Variants in PHC2 observed in about 807,000 individuals in gnomAD.
The protein encoded by PHC2 is polyhomeotic homolog 2.
PHC2 carries 29 observed loss-of-function variants against 87.4 expected under a neutral mutation model. The ratio of observed to expected loss-of-function variants is 0.33; its 90% CI spans 0.25 to 0.45. The LOEUF (loss-of-function observed/expected upper bound fraction) is 0.45. Ranked by LOEUF, PHC2 falls within the 20% of genes least tolerant of loss-of-function variation. The pLI is 1.00. For missense variants in PHC2, 857 were observed against 1,136.7 expected (o/e 0.75, Z 3.54); for synonymous variants, 438 against 461.7 (o/e 0.95, Z 0.66).
Position 33,349,926 on chromosome 1 carries a change from CGCCT to C in PHC2, c.1558+4471_1558+4474del. 1.1e-6 allele frequency: 1 copy of C among 907,140 alleles called. No homozygotes were observed. Among genetic ancestry groups the C allele is most frequent in the Non-Finnish European group, 1.3e-6 (1 of 761,892 alleles). 56.2% of individuals were successfully genotyped at this position (907,140 alleles called of 1,614,324 possible). On this transcript the variant is annotated intron_variant, in intron 9 of 14. Transcript: ENST00000683057. The surrounding 1 kb of genome is among the most constrained non-coding windows in gnomAD (Gnocchi z 4.2). ...GCGAGTCTGGGACGGCTCCCGCGGC[CGCCT>C]CCGCCGGGGGCGGGGCGAGGGAGCG...
At chr1:33,351,073 CTT>C (rs1646962750) in intron 9 of PHC2, among the ~76,000 whole-genome samples, 1 of 152,166 alleles carries the variant, frequency 6.6e-6, no homozygotes, top group Non-Finnish European at 1.5e-5. Flanking sequence ...AGTTGGCAAA[CTT>C]TTTCTGCCAG....
intron 9 of PHC2, chr1:33,335,242 T>TA: frequency 2.0e-6 from 2 of 985,464 alleles, no homozygotes; most frequent in Non-Finnish European, 2.4e-6. Context: ...CTCATTGTCT[T>TA]AGACGTGCAA....
chr1:33,403,316 A>C lies in PHC2; in HGVS notation c.-55+27660T>G, dbSNP rs1237188265. ...TAATTTTTGTATTTTTAGTAGAGACAGGGGTTCACCATGTTGGCCAGGATG... is the reference window on the plus strand; with the variant it reads ...TAATTTTTGTATTTTTAGTAGAGACCGGGGTTCACCATGTTGGCCAGGATG... On this transcript the variant is annotated intron_variant, in intron 1 of 14. Coordinates refer to ENST00000683057, the MANE Select transcript of PHC2 (RefSeq NM_001385109.1). 2.9e-5 allele frequency among the ~76,000 whole-genome samples: 4 copies of C among 137,930 alleles called. No individual in the cohort carries two copies. The East Asian group carries it at 6.8e-4, about 23-fold the overall frequency. The allele number at this position is 137,930 out of a possible 152,430, so 90.5% of individuals were successfully genotyped here.
intron 9 of PHC2, chr1:33,335,075 G>A: frequency 2.4e-6 from 1 of 416,420 alleles, no homozygotes; most frequent in Non-Finnish European, 3.2e-6. Flanking sequence ...GTCTCTCTGT[G>A]GACAACCTTT....
rs765939608 is a variant in PHC2, at chr1:33,354,975, C to T, written c.1255G>A (p.Gly419Ser). 1.2e-5 allele frequency: 19 copies of T among 1,614,056 alleles called. No homozygotes were observed. Among genetic ancestry groups the T allele is most frequent in the Admixed American group, 3.3e-5 (2 of 60,008 alleles). The change falls in exon 8 of 15, where the codon GGC becomes AGC. Residue 419 changes from glycine to serine, a missense_variant. Coordinates refer to ENST00000683057, the MANE Select transcript of PHC2 (RefSeq NM_001385109.1). ...CPTANLHKPGGSQQCHPPTPD... is the reference protein window; with the variant it reads ...CPTANLHKPGSSQQCHPPTPD... ...GTGGGAGGGTGACACTGCTGACTGC[C>T]GCCAGGCTTGTGCAGGTTGGCAGTG...
intron 1 of PHC2, among the ~76,000 whole-genome samples, chr1:33,409,003 A>G (rs1216899134): frequency 6.6e-6 from 1 of 152,196 alleles, no homozygotes; most frequent in African/African-American, 2.4e-5. Context: ...ACTTAATCAG[A>G]GTGCAAGAAT....
At chr1:33,367,965 G>A (rs1008410129) in intron 6 of PHC2, among the ~76,000 whole-genome samples, 1 of 152,178 alleles carries the variant, frequency 6.6e-6, no homozygotes, top group African/African-American at 2.4e-5. Context: ...GACACAGGGA[G>A]GCTGTGCCAG....
At chr1:33,362,561 T>C (rs966243169) in intron 7 of PHC2, among the ~76,000 whole-genome samples, 1 of 152,200 alleles carries the variant, frequency 6.6e-6, no homozygotes, top group Non-Finnish European at 1.5e-5. Flanking sequence ...AGGTATGAAC[T>C]GACAAACTCC....
intron 1 of PHC2, among the ~76,000 whole-genome samples, chr1:33,426,777 C>T (rs935881633): frequency 6.6e-6 from 1 of 152,182 alleles, no homozygotes; most frequent in African/African-American, 2.4e-5. Context: ...AAACCAAAGG[C>T]CACAGCACAA....
chr1:33,336,946 TAA>T (rs886706276), intron 9 of PHC2: 7 of 152,386 alleles, frequency 4.6e-5, no homozygotes, highest in African/African-American at 1.7e-4. Context: ...TCAATCAAAT[TAA>T]GTTTCTGTGC....
At chr1:33,388,708 A>G (rs962274468) in intron 1 of PHC2, among the ~76,000 whole-genome samples, 1 of 152,186 alleles carries the variant, frequency 6.6e-6, no homozygotes, top group Non-Finnish European at 1.5e-5. Context: ...ACCCAGCACC[A>G]TGTGCAGCAC....
At chr1:33,338,627 A>G (rs1041100036) in intron 9 of PHC2, among the ~76,000 whole-genome samples, 2 of 152,246 alleles carry the variant, frequency 1.3e-5, no homozygotes, top group African/African-American at 4.8e-5. Flanking sequence ...TTTGGGGAAA[A>G]GCAGCTTAAC....
chr1:33,339,575 T>G (rs1646703845), intron 9 of PHC2, among the ~76,000 whole-genome samples: 1 of 152,212 alleles, frequency 6.6e-6, no homozygotes, highest in East Asian at 1.9e-4. Flanking sequence ...CAAGGCAGGA[T>G]GACCTCTAGA....
chr1:33,378,811 A>T (rs1648310618), intron 1 of PHC2, among the ~76,000 whole-genome samples: 1 of 152,098 alleles, frequency 6.6e-6, no homozygotes, highest in African/African-American at 2.4e-5. Flanking sequence ...TCCTACATGG[A>T]AAAATAATAT....
chr1:33,331,375 C>G lies in PHC2; in HGVS notation c.1979G>C (p.Arg660Pro). Reference protein sequence around the residue: ...DFAYKFKRSKRFCSMACAKRY... With the variant: ...DFAYKFKRSKPFCSMACAKRY... ...CTTTGCACAAGCCATGGAACAGAAG[C>G]GCTTGGAACGCTTGAACTTATAGGC... is the stretch of plus-strand genomic sequence containing the variant. Residue 660 changes from arginine to proline, a missense_variant, in exon 12 of 15, where the codon CGC becomes CCC. By Grantham distance (103) the Arg-to-Pro change is moderately radical. This residue lies in a region of PHC2 where 832 missense variants were observed against 1,081.8 expected (regional missense o/e 0.77). Transcript: ENST00000683057. This position sits in a 1 kb window ranked among gnomAD's most constrained non-coding sequence, Gnocchi z 5.2. 2 of 1,610,670 alleles carry G rather than the reference C, an allele frequency of 1.2e-6. No individual in the cohort carries two copies. Among genetic ancestry groups the G allele is most frequent in the Non-Finnish European group, 1.7e-6 (2 of 1,177,106 alleles).
intron 14 of PHC2, chr1:33,325,960 G>C (rs998387899): frequency 8.9e-6 from 4 of 450,314 alleles, no homozygotes; most frequent in African/African-American, 8.0e-5. Flanking sequence ...TGCTGGGGAG[G>C]CCTAAAGGAA....
chr1:33,344,349 A>G (rs1340303810), intron 9 of PHC2, among the ~76,000 whole-genome samples: 2 of 152,184 alleles, frequency 1.3e-5, no homozygotes, highest in African/African-American at 4.8e-5. Flanking sequence ...CATCACTAAT[A>G]TTGTTAGATA....
rs1259828569 is a variant in PHC2 at position 33,324,697 on chromosome 1, G to A, written c.*168C>T. 8.9e-6 allele frequency: 5 copies of A among 562,918 alleles called. No individual in the cohort carries two copies. The highest frequency in any genetic ancestry group is 1.5e-5 in the Non-Finnish European group (5 of 335,620). The allele number at this position is 562,918 out of a possible 1,614,324, so 34.9% of individuals were successfully genotyped here. A position where few individuals can be genotyped will look rare whatever the true frequency, so the allele number is the denominator to read the frequency against. On this transcript the variant is annotated 3_prime_UTR_variant, in exon 15 of 15. Coordinates refer to ENST00000683057, the MANE Select transcript of PHC2 (RefSeq NM_001385109.1). ...TCTGCCCCTCCCACAGAAATGAAAG[G>A]CCCCTGAGAGCCATGGAGGAGGTGC...
chr1:33,420,831 A>G (rs10914705), intron 1 of PHC2, among the ~76,000 whole-genome samples: 113,007 of 151,842 alleles, frequency 0.74, 43,071 homozygotes, highest in African/African-American at 0.92. Context: ...GATTAGTCTC[A>G]AACTCTTGAG....
Sources: gnomAD v4.1 joint callset for allele counts (sites outside exome capture counted in the v4.1 genomes callset) on GRCh38, gnomAD v4.1.1 for gene constraint, gnomAD v4.1.1 regional missense constraint, Gnocchi (gnomAD v3.1) non-coding constraint, MANE v1.5 for transcripts, NCBI Gene and HGNC (gene_info 2026-07-23, HGNC 2026-07-21) for gene names.